SLC4A4: variants seen among roughly 807,000 people sequenced by gnomAD.
SLC4A4 encodes the protein solute carrier family 4 member 4.
A neutral mutation model predicts 111.5 loss-of-function variants in SLC4A4; 27 were observed. That is an observed-to-expected ratio of 0.24 (90% CI 0.18 to 0.33). SLC4A4 has a LOEUF of 0.33. Ranked by LOEUF, SLC4A4 falls within the 10% of genes least tolerant of loss-of-function variation. The pLI, the probability that SLC4A4 is intolerant of heterozygous loss-of-function variation, is 1.00. For missense variants in SLC4A4, 909 were observed against 1,315.5 expected (o/e 0.69, Z 4.78); for synonymous variants, 443 against 463.4 (o/e 0.96, Z 0.57).
intron 1 of SLC4A4, among the ~76,000 whole-genome samples, chr4:71,202,574 A>G (rs372674372): frequency 2.0e-5 from 3 of 152,220 alleles, no homozygotes; most frequent in Non-Finnish European, 2.9e-5. Flanking sequence ...CATTATTTGT[A>G]TACCCTAATA....
chr4:71,337,356 G>T (rs1426127202), intron 3 of SLC4A4, among the ~76,000 whole-genome samples: 1 of 152,072 alleles, frequency 6.6e-6, no homozygotes, highest in Non-Finnish European at 1.5e-5. Context: ...ACTAAAATGG[G>T]ATCATTTAAT....
At chr4:71,278,883 G>C (rs1723284543) in intron 3 of SLC4A4, among the ~76,000 whole-genome samples, 1 of 151,940 alleles carries the variant, frequency 6.6e-6, no homozygotes, top group Non-Finnish European at 1.5e-5. Flanking sequence ...CAGATATATG[G>C]CTTGAAAATA....
At chr4:71,429,114 G>T (rs568007707) in intron 7 of SLC4A4, among the ~76,000 whole-genome samples, 64 of 152,224 alleles carry the variant, frequency 4.2e-4, no homozygotes, top group African/African-American at 1.5e-3. Flanking sequence ...ATCTACAGGT[G>T]ATGCTGCAGG....
intron 15 of SLC4A4, among the ~76,000 whole-genome samples, chr4:71,491,293 C>G (rs557721319): frequency 6.6e-6 from 1 of 151,886 alleles, no homozygotes; most frequent in South Asian, 2.1e-4. Context: ...TTAGTGGTAT[C>G]ACTCTCATTT....
chr4:71,064,057 CCTA>C (rs897034203), intron 1 of SLC4A4, among the ~76,000 whole-genome samples: 55 of 152,108 alleles, frequency 3.6e-4, no homozygotes, highest in African/African-American at 1.3e-3. Context: ...AATACATACA[CCTA>C]CTATGTACCC....
intron 2 of SLC4A4, among the ~76,000 whole-genome samples, chr4:71,152,531 T>C (rs1383042945): frequency 6.6e-6 from 1 of 152,204 alleles, no homozygotes; most frequent in Non-Finnish European, 1.5e-5. Context: ...TAATAATCCA[T>C]TGTTTGAGTA....
chr4:71,378,281 A>C (rs1732607558), intron 6 of SLC4A4, among the ~76,000 whole-genome samples: 1 of 152,204 alleles, frequency 6.6e-6, no homozygotes, highest in Non-Finnish European at 1.5e-5. Context: ...ACCCAGTCAC[A>C]AAAGGAATTA....
At chr4:71,439,468 AAAAG>A (rs1553912820) in intron 7 of SLC4A4, among the ~76,000 whole-genome samples, 1 of 138,426 alleles carries the variant, frequency 7.2e-6, no homozygotes, top group African/African-American at 2.7e-5. Context: ...AAAAAAAAAA[AAAAG>A]AAAAGAAAAT....
intron 6 of SLC4A4, among the ~76,000 whole-genome samples, chr4:71,391,118 T>C (rs1177299669): frequency 6.6e-6 from 1 of 152,088 alleles, no homozygotes; most frequent in Non-Finnish European, 1.5e-5. Context: ...ATGACATTTA[T>C]TGCTAGTTTT....
At chr4:71,175,869 C>G (rs948492330) in intron 2 of SLC4A4, among the ~76,000 whole-genome samples, 2 of 152,168 alleles carry the variant, frequency 1.3e-5, no homozygotes, top group African/African-American at 4.8e-5. Flanking sequence ...TGAGAACAGA[C>G]AGACTGCCTC....
At chr4:71,403,242 G>A (rs888325386) in intron 7 of SLC4A4, among the ~76,000 whole-genome samples, 7 of 152,190 alleles carry the variant, frequency 4.6e-5, no homozygotes, top group African/African-American at 7.2e-5. Flanking sequence ...AAGTAACTGC[G>A]CTACAATAAA....
intron 6 of SLC4A4, among the ~76,000 whole-genome samples, chr4:71,387,789 G>T (rs1461330526): frequency 6.6e-6 from 1 of 152,128 alleles, no homozygotes. Context: ...CACCGTGCCT[G>T]GCCTAAAGTA....
At chr4:71,261,272 G>A (rs1721835653) in intron 3 of SLC4A4, among the ~76,000 whole-genome samples, 1 of 152,226 alleles carries the variant, frequency 6.6e-6, no homozygotes, top group Non-Finnish European at 1.5e-5. Context: ...CCACCAGCAA[G>A]TGGCTTGGTG....
intron 1 of SLC4A4, among the ~76,000 whole-genome samples, chr4:71,204,881 A>C (rs1717658635): frequency 6.6e-6 from 1 of 152,208 alleles, no homozygotes; most frequent in Admixed American, 6.5e-5. Context: ...AGAGAACAAG[A>C]AAGACAATGA....
At chr4:71,231,439 A>AAGCCGGTCCTCACC (rs1719416365) in intron 1 of SLC4A4, among the ~76,000 whole-genome samples, 1 of 152,202 alleles carries the variant, frequency 6.6e-6, no homozygotes, top group Admixed American at 6.5e-5. Flanking sequence ...CGGCTGGTGA[A>AAGCCGGTCCTCACC]AGCCGGTCCT....
At chr4:71,455,057 C>T (rs779008790) in intron 12 of SLC4A4, among the ~76,000 whole-genome samples, 11 of 152,216 alleles carry the variant, frequency 7.2e-5, no homozygotes, top group East Asian at 1.9e-4. Context: ...AGAGCTCATG[C>T]TCCATCAGAA....
At chr4:71,521,016 C>G (rs968547957) in intron 16 of SLC4A4, among the ~76,000 whole-genome samples, 1 of 152,084 alleles carries the variant, frequency 6.6e-6, no homozygotes, top group Non-Finnish European at 1.5e-5. Flanking sequence ...GCCACTGCAC[C>G]TGGTCTGATC....
At chr4:71,078,951 C>A (rs1178715929) in intron 1 of SLC4A4, among the ~76,000 whole-genome samples, 1 of 151,840 alleles carries the variant, frequency 6.6e-6, no homozygotes, top group Non-Finnish European at 1.5e-5. Flanking sequence ...CCCAAGTAGC[C>A]AGGATTACAG....
At chr4:71,308,588 G>A (rs1328842365) in intron 3 of SLC4A4, among the ~76,000 whole-genome samples, 1 of 152,200 alleles carries the variant, frequency 6.6e-6, no homozygotes, top group Non-Finnish European at 1.5e-5. Context: ...CAGAAGCAGA[G>A]GGGGTTGTCG....
Sources: gnomAD v4.1 joint callset for allele counts (sites outside exome capture counted in the v4.1 genomes callset) on GRCh38, gnomAD v4.1.1 for gene constraint, MANE v1.5 for transcripts, NCBI Gene and HGNC (gene_info 2026-07-23, HGNC 2026-07-21) for gene names.